The following CREB5 variants were observed in gnomAD, a reference collection of about 807,000 sequenced individuals.
CREB5 encodes the protein cAMP responsive element binding protein 5, also known as cyclic AMP-responsive element-binding protein 5.
In CREB5, 19 loss-of-function variants were observed where a neutral mutation model predicts 57.1. The ratio of observed to expected loss-of-function variants is 0.33; its 90% CI spans 0.23 to 0.49. CREB5 has a LOEUF of 0.49. Among genes scored for constraint, CREB5 ranks in the 20% least tolerant of loss-of-function variants. The pLI, the probability that CREB5 is intolerant of heterozygous loss-of-function variation, is 0.99. For missense variants in CREB5, 579 were observed against 671.6 expected (o/e 0.86, Z 1.52); for synonymous variants, 238 against 238.3 (o/e 1.00, Z 0.01).
chr7:28,556,051 T>C (rs1444283803), intron 4 of CREB5, among the ~76,000 whole-genome samples: 1 of 152,186 alleles, frequency 6.6e-6, no homozygotes, highest in Non-Finnish European at 1.5e-5. Context: ...AAAATACGGA[T>C]GTCACTGACA....
rs546433443 is a variant in CREB5 at position 28,711,031 on chromosome 7, T to C, written c.465-7722T>C. On this transcript the variant is annotated intron_variant, in intron 5 of 10. Coordinates refer to ENST00000357727, the MANE Select transcript of CREB5 (RefSeq NM_182898.4). ...CCATGAAGGTGAAAGGAAATCACTA[T>C]GGCAGGTATACCAGGCCCAGAGCAA... is the stretch of plus-strand genomic sequence containing the variant. Among the ~76,000 whole-genome samples, 6 of 152,294 alleles carry C rather than the reference T, an allele frequency of 3.9e-5. No homozygotes were observed. The East Asian group carries it at 1.2e-3, about 29-fold the overall frequency.
At chr7:28,306,866 TAC>T (rs2127980345) in intron 1 of CREB5, among the ~76,000 whole-genome samples, 1 of 152,274 alleles carries the variant, frequency 6.6e-6, no homozygotes, top group South Asian at 2.1e-4. Flanking sequence ...CGGCCACAGA[TAC>T]AGTTTTATAG....
chr7:28,622,910 T>C (rs1797859811), intron 5 of CREB5, among the ~76,000 whole-genome samples: 1 of 152,230 alleles, frequency 6.6e-6, no homozygotes, highest in African/African-American at 2.4e-5. Context: ...TCTGGTTTTT[T>C]TCTTTTTGAG....
intron 1 of CREB5, among the ~76,000 whole-genome samples, chr7:28,370,954 C>T (rs1448782253): frequency 6.6e-6 from 1 of 152,212 alleles, no homozygotes; most frequent in Non-Finnish European, 1.5e-5. Flanking sequence ...GAAGCCACCA[C>T]TGCAAGGTAA....
At chr7:28,705,208 C>T (rs1802045649) in intron 5 of CREB5, among the ~76,000 whole-genome samples, 1 of 151,760 alleles carries the variant, frequency 6.6e-6, no homozygotes. Context: ...ACTAAAAATA[C>T]AAAAATTAGC....
At chr7:28,377,528 A>AT (rs1404333227) in intron 1 of CREB5, among the ~76,000 whole-genome samples, 6 of 152,122 alleles carry the variant, frequency 3.9e-5, no homozygotes, top group African/African-American at 1.4e-4. Flanking sequence ...CCTCTTTAAA[A>AT]TGCAGCCTTC....
intron 1 of CREB5, among the ~76,000 whole-genome samples, chr7:28,353,326 A>C (rs1412500603): frequency 2.0e-5 from 3 of 151,978 alleles, no homozygotes; most frequent in Non-Finnish European, 2.9e-5. Context: ...TTTTCTTTCC[A>C]AAGTCCTGTC....
At chr7:28,738,101 A>G (rs995464845) in intron 7 of CREB5, among the ~76,000 whole-genome samples, 17 of 152,186 alleles carry the variant, frequency 1.1e-4, no homozygotes, top group Non-Finnish European at 2.9e-5. Flanking sequence ...CTAAATTCTC[A>G]CCAAGAAATA....
intron 5 of CREB5, among the ~76,000 whole-genome samples, chr7:28,657,130 C>T (rs940404878): frequency 1.3e-5 from 2 of 152,182 alleles, no homozygotes; most frequent in Non-Finnish European, 2.9e-5. Context: ...GCACCAACCC[C>T]ATTACCCTCA....
chr7:28,409,042 G>A (rs1787656962), upstream of CREB5, among the ~76,000 whole-genome samples: 3 of 150,566 alleles, frequency 2.0e-5, no homozygotes, highest in Admixed American at 2.0e-4. This position sits in a 1 kb window ranked among gnomAD's most constrained non-coding sequence, Gnocchi z 4.4. Flanking sequence ...CCGTGGTCTT[G>A]TCTGAAACCA....
chr7:28,394,055 A>C (rs1309371094), intron 1 of CREB5, among the ~76,000 whole-genome samples: 6 of 117,534 alleles, frequency 5.1e-5, no homozygotes, highest in African/African-American at 6.6e-5. Context: ...TGGGGGATGG[A>C]GCAAGACTCT....
At chr7:28,640,915 C>T (rs1246777846) in intron 5 of CREB5, among the ~76,000 whole-genome samples, 1 of 152,158 alleles carries the variant, frequency 6.6e-6, no homozygotes, top group Admixed American at 6.6e-5. Flanking sequence ...CCCTGAGAGC[C>T]AGTGCTTTAA....
At chr7:28,632,908 A>G (rs1332687296) in intron 5 of CREB5, among the ~76,000 whole-genome samples, 2 of 152,166 alleles carry the variant, frequency 1.3e-5, no homozygotes, top group East Asian at 3.9e-4. Context: ...GCTGGCATCT[A>G]TCCTGTTCAC....
At chr7:28,733,969 A>G (rs1803816371) in intron 7 of CREB5, among the ~76,000 whole-genome samples, 1 of 152,156 alleles carries the variant, frequency 6.6e-6, no homozygotes, top group African/African-American at 2.4e-5. Flanking sequence ...ACCCATGATA[A>G]GTAGGTGGGA....
intron 1 of CREB5, among the ~76,000 whole-genome samples, chr7:28,474,730 A>G (rs946357491): frequency 6.6e-6 from 1 of 152,184 alleles, no homozygotes; most frequent in Non-Finnish European, 1.5e-5. Flanking sequence ...TGATGTCAGT[A>G]TTGAAAAGGG....
chr7:28,678,926 A>G (rs1197025338), intron 5 of CREB5, among the ~76,000 whole-genome samples: 2 of 152,246 alleles, frequency 1.3e-5, no homozygotes, highest in African/African-American at 4.8e-5. Context: ...AGATAGACAC[A>G]GAGCTCTACA....
chr7:28,423,813 C>T (rs1788379460), intron 1 of CREB5, among the ~76,000 whole-genome samples: 3 of 152,154 alleles, frequency 2.0e-5, no homozygotes. Flanking sequence ...GTAACTTCTC[C>T]CAGAGAGTGG....
Position 28,350,676 on chromosome 7 carries a change from G to A in CREB5, c.-25+51235G>A, listed in dbSNP as rs908328321. On this transcript the variant is annotated intron_variant, in intron 1 of 9. Coordinates refer to the CREB5 transcript ENST00000396299. ...AAATCTATTAGATTTCATAGTGTGC[G>A]TAAGCATGGAGGCCAGACATTCATT... Among the ~76,000 whole-genome samples, 9 of 152,188 alleles carry A rather than the reference G, an allele frequency of 5.9e-5. No individual in the cohort carries two copies. In the South Asian group the frequency reaches 8.3e-4, roughly 14 times the overall value.
intron 4 of CREB5, among the ~76,000 whole-genome samples, chr7:28,558,698 G>GAAAGGC (rs1562795437): frequency 1.3e-5 from 2 of 152,172 alleles, no homozygotes; most frequent in South Asian, 2.1e-4. Flanking sequence ...TTGGGCAAGG[G>GAAAGGC]AAAGGCAAAG....
Sources: allele counts gnomAD v4.1 joint callset (sites outside exome capture counted in the v4.1 genomes callset), GRCh38; gene constraint gnomAD v4.1.1; non-coding constraint Gnocchi (gnomAD v3.1); transcripts MANE v1.5; gene names NCBI Gene and HGNC (gene_info 2026-07-23, HGNC 2026-07-21).